The following POLK variants were observed in gnomAD, a reference collection of about 807,000 sequenced individuals.
POLK encodes the protein DNA polymerase kappa, also known as polymerase (DNA directed) kappa.
In POLK, 76 loss-of-function variants were observed where a neutral mutation model predicts 94.0. That is an observed-to-expected ratio of 0.81 (90% CI 0.67 to 0.98). The LOEUF (loss-of-function observed/expected upper bound fraction) is 0.98. POLK is among the 50% of genes least tolerant of loss of function. The pLI is 0.00. For missense variants in POLK, 954 were observed against 1,010.1 expected, an observed-to-expected ratio of 0.94 and a Z score of 0.75; for synonymous variants, 349 against 325.4, an observed-to-expected ratio of 1.07 and a Z score of -0.78.
chr5:75,527,495 T>TTATATA (rs1417486588), intron 1 of POLK, among the ~76,000 whole-genome samples: 2 of 115,182 alleles, frequency 1.7e-5, no homozygotes, highest in African/African-American at 7.3e-5. Flanking sequence ...AAAAAAAAAT[T>TTATATA]TATATATACA....
rs544829870 is a variant in POLK, at chr5:75,592,154, G to A, written c.1356+1714G>A. Among the ~76,000 whole-genome samples, 66 of 152,220 alleles carry A rather than the reference G, an allele frequency of 4.3e-4. 1 individual carries two copies. In the South Asian group the frequency reaches 0.01, roughly 23 times the overall value. On this transcript the variant is annotated intron_variant, in intron 11 of 14. Coordinates refer to ENST00000241436, the Ensembl canonical transcript of POLK. ...TAACCATCACCACCACCCATCTCTA[G>A]AACTGTTTCATTGTCTCCACTGAAA... is the stretch of plus-strand genomic sequence containing the variant.
At chr5:75,553,174 CA>C (rs1370431353) in intron 3 of POLK, among the ~76,000 whole-genome samples, 1 of 152,034 alleles carries the variant, frequency 6.6e-6, no homozygotes, top group Non-Finnish European at 1.5e-5. Flanking sequence ...GTAAATACTC[CA>C]AGTTTCCTCT....
chr5:75,609,711 T>A, the POLK span: 2 of 152,196 alleles, frequency 1.3e-5, no homozygotes, highest in Admixed American at 6.5e-5. Context: ...TTTTATCATA[T>A]CTCTATTACA....
chr5:75,566,623 G>C (rs2112743530), intron 3 of POLK, among the ~76,000 whole-genome samples: 1 of 152,256 alleles, frequency 6.6e-6, no homozygotes, highest in East Asian at 1.9e-4. Context: ...CTAGGGGAGG[G>C]AGTTCCCAGA....
intron 1 of POLK, 40 bp downstream of exon 1, chr5:75,511,954 C>G: frequency 1.3e-6 from 1 of 798,108 alleles, no homozygotes; most frequent in Admixed American, 3.0e-5. Context: ...CCCTTGGGGC[C>G]TTGTCAGTCG....
chr5:75,525,496 A>C (rs910788953), intron 1 of POLK, among the ~76,000 whole-genome samples: 1 of 152,148 alleles, frequency 6.6e-6, no homozygotes, highest in African/African-American at 2.4e-5. Flanking sequence ...AAAAAATTAA[A>C]AACAACAACA....
intron 1 of POLK, among the ~76,000 whole-genome samples, chr5:75,527,541 A>ACACACACACACAC: frequency 1.4e-5 from 2 of 147,302 alleles, no homozygotes; most frequent in African/African-American, 5.0e-5. Context: ...ACACACACAC[A>ACACACACACACAC]AGTACGTGTG....
At chr5:75,595,274 G>C (rs1457521994) in intron 12 of POLK, among the ~76,000 whole-genome samples, 11 of 66,434 alleles carry the variant, frequency 1.7e-4, no homozygotes, top group East Asian at 8.8e-4. Context: ...AAAAAAAAAA[G>C]CCCAAGAGCA....
exon 15 of POLK, chr5:75,598,025 A>G: frequency 9.6e-7 from 1 of 1,039,222 alleles, no homozygotes; most frequent in Non-Finnish European, 1.4e-6. Flanking sequence ...GTAAACATTG[A>G]ACATTTTATC....
the POLK span, chr5:75,609,023 C>A: frequency 6.6e-6 from 1 of 152,152 alleles, no homozygotes; most frequent in Admixed American, 6.5e-5. Flanking sequence ...GAAATAAAGT[C>A]CAGCTATGGC....
chr5:75,596,926 T>A lies in POLK; in HGVS notation c.2233T>A (p.Ser745Thr), dbSNP rs556005539. Residue 745 changes from serine (S) to threonine (T), a missense_variant, in exon 13 of 15, where the codon TCT becomes ACT. Coordinates refer to ENST00000241436, the Ensembl canonical transcript of POLK. ...TAATATTGAACACTGTCATCAGAAT[T>A]CTTCTTCTACTGTTTCATTGGAAAA... 28 of 1,613,252 alleles carry A rather than the reference T, an allele frequency of 1.7e-5. 1 individual carries two copies. The highest frequency in any genetic ancestry group is 6.7e-5 in the Admixed American group (4 of 59,976).
At chr5:75,592,101 T>A (rs1185130564) in intron 11 of POLK, among the ~76,000 whole-genome samples, 1 of 152,222 alleles carries the variant, frequency 6.6e-6, no homozygotes, top group Non-Finnish European at 1.5e-5. Context: ...TTTTAACCAT[T>A]TTTAAGTGTA....
At chr5:75,603,841 T>C (rs1006766586), downstream of POLK, among the ~76,000 whole-genome samples, 2 of 152,178 alleles carry the variant, frequency 1.3e-5, no homozygotes, top group African/African-American at 4.8e-5. Flanking sequence ...TTCAGAAAAG[T>C]GTTCCTTGCC....
At chr5:75,596,860 C>T (rs1419494191) in exon 13 of POLK, 2 of 1,613,180 alleles carry the variant, frequency 1.2e-6, no homozygotes, top group African/African-American at 2.7e-5. Context: ...AAGTAATAAG[C>T]ATAGCAAGGA....
chr5:75,605,122 C>CAT (rs1773387473), downstream of POLK, among the ~76,000 whole-genome samples: 1 of 16,210 alleles, frequency 6.2e-5, no homozygotes, highest in East Asian at 1.7e-3. Flanking sequence ...TACACATACA[C>CAT]ACACACACAC....
At chr5:75,558,512 A>T (rs1237008751) in intron 3 of POLK, among the ~76,000 whole-genome samples, 1 of 152,168 alleles carries the variant, frequency 6.6e-6, no homozygotes, top group Non-Finnish European at 1.5e-5. Flanking sequence ...CTTCCAAATT[A>T]AAAAATTCTC....
chr5:75,562,075 T>G (rs1218403124), intron 3 of POLK, among the ~76,000 whole-genome samples: 1 of 152,234 alleles, frequency 6.6e-6, no homozygotes, highest in African/African-American at 2.4e-5. Flanking sequence ...GGGAATAGCA[T>G]TGAATCTATA....
chr5:75,602,312 A>G (rs28668361), downstream of POLK, among the ~76,000 whole-genome samples: 17,071 of 152,218 alleles, frequency 0.11, 1,141 homozygotes, highest in East Asian at 0.23. Flanking sequence ...GACATTCGCC[A>G]TGATTCATAC....
chr5:75,516,597 C>G (rs1480287172), intron 1 of POLK, among the ~76,000 whole-genome samples: 1 of 152,010 alleles, frequency 6.6e-6, no homozygotes, highest in Non-Finnish European at 1.5e-5. Flanking sequence ...CTCAGGAGGT[C>G]AAGGGTATAG....
Sources: gnomAD v4.1 joint callset for allele counts (sites outside exome capture counted in the v4.1 genomes callset) on GRCh38, gnomAD v4.1.1 for gene constraint, MANE v1.5 for transcripts, NCBI Gene and HGNC (gene_info 2026-07-23, HGNC 2026-07-21) for gene names.